The following DGKB variants were observed in gnomAD, a reference collection of about 807,000 sequenced individuals.
The protein encoded by DGKB is 90 kDa diacylglycerol kinase.
DGKB carries 67 observed loss-of-function variants against 114.3 expected under a neutral mutation model. The ratio of observed to expected loss-of-function variants is 0.59; its 90% CI spans 0.48 to 0.72. DGKB has a LOEUF of 0.72. DGKB is among the 30% of genes least tolerant of loss of function. The pLI is 0.00. For missense variants in DGKB, 907 were observed against 975.2 expected, an observed-to-expected ratio of 0.93 and a Z score of 0.93; for synonymous variants, 398 against 323.1, an observed-to-expected ratio of 1.23 and a Z score of -2.49.
At chr7:14,318,862 C>A (rs111787746) in intron 23 of DGKB, among the ~76,000 whole-genome samples, 2 of 152,166 alleles carry the variant, frequency 1.3e-5, no homozygotes, top group Admixed American at 1.3e-4. Context: ...GCATTATTCA[C>A]AATAGCAAAG....
At chr7:14,736,977 T>C (rs1231835722) in intron 4 of DGKB, among the ~76,000 whole-genome samples, 1 of 152,174 alleles carries the variant, frequency 6.6e-6, no homozygotes, top group African/African-American at 2.4e-5. Context: ...CACCAGGATT[T>C]GACTCTGCCT....
intron 7 of DGKB, among the ~76,000 whole-genome samples, chr7:14,698,991 G>T (rs888207486): frequency 6.6e-6 from 1 of 151,982 alleles, no homozygotes; most frequent in Non-Finnish European, 1.5e-5. Flanking sequence ...TAGTCAAAGA[G>T]TATTCTACTC....
chr7:14,350,095 G>T (rs759430113), intron 21 of DGKB, among the ~76,000 whole-genome samples: 3 of 152,050 alleles, frequency 2.0e-5, no homozygotes, highest in Non-Finnish European at 4.4e-5. Context: ...AAAGTGCTTG[G>T]CTACCAGATA....
intron 23 of DGKB, among the ~76,000 whole-genome samples, chr7:14,198,574 A>C (rs1042212819): frequency 6.6e-6 from 1 of 152,084 alleles, no homozygotes; most frequent in African/African-American, 2.4e-5. Flanking sequence ...TTGATCTTTC[A>C]TAATAGAAAA....
intron 21 of DGKB, among the ~76,000 whole-genome samples, chr7:14,369,510 T>G (rs568924108): frequency 6.6e-6 from 1 of 152,276 alleles, no homozygotes; most frequent in Non-Finnish European, 1.5e-5. Flanking sequence ...TCTTCCACAG[T>G]GGTTGAACTA....
At chr7:14,921,087 A>G (rs534224445) in intron 1 of DGKB, among the ~76,000 whole-genome samples, 96 of 152,210 alleles carry the variant, frequency 6.3e-4, no homozygotes, top group African/African-American at 2.2e-3. Context: ...TAGTTTTTCA[A>G]TCCTCACCTC....
chr7:14,501,266 T>C (rs1171031024), intron 20 of DGKB, among the ~76,000 whole-genome samples: 1 of 151,946 alleles, frequency 6.6e-6, no homozygotes, highest in African/African-American at 2.4e-5. Flanking sequence ...GAATGCTTTA[T>C]AGACGGATTC....
chr7:14,706,331 C>A (rs1282511079), intron 6 of DGKB, among the ~76,000 whole-genome samples: 5 of 140,956 alleles, frequency 3.5e-5, no homozygotes, highest in Non-Finnish European at 6.2e-5. Context: ...CCTGAGTGAC[C>A]TACAAAGAGA....
chr7:14,230,205 T>C (rs960266783), intron 23 of DGKB, among the ~76,000 whole-genome samples: 2 of 152,064 alleles, frequency 1.3e-5, no homozygotes, highest in African/African-American at 4.8e-5. Flanking sequence ...TGAAGTACTT[T>C]GTCTTCATTC....
intron 23 of DGKB, among the ~76,000 whole-genome samples, chr7:14,300,598 T>G (rs1243675598): frequency 6.6e-6 from 1 of 152,138 alleles, no homozygotes; most frequent in Non-Finnish European, 1.5e-5. Context: ...TGCAGTCAAA[T>G]TTAAATATTC....
chr7:14,705,044 C>A (rs1269570105), intron 6 of DGKB, among the ~76,000 whole-genome samples: 15 of 149,020 alleles, frequency 1.0e-4, no homozygotes, highest in Non-Finnish European at 1.8e-4. Flanking sequence ...ACATTCAAAC[C>A]AAAGGCAAAG....
chr7:14,969,111 G>A (rs962477998), intron 1 of DGKB, among the ~76,000 whole-genome samples: 3 of 152,176 alleles, frequency 2.0e-5, no homozygotes, highest in Non-Finnish European at 4.4e-5. Context: ...GGTGATATCA[G>A]AGAACAACCA....
At chr7:14,767,580 C>A (rs1562483516) in intron 2 of DGKB, among the ~76,000 whole-genome samples, 1 of 151,804 alleles carries the variant, frequency 6.6e-6, no homozygotes, top group Non-Finnish European at 1.5e-5. Flanking sequence ...TCTTAATTTT[C>A]TTTTACATTT....
intron 23 of DGKB, among the ~76,000 whole-genome samples, chr7:14,235,081 A>G (rs1455554774): frequency 1.3e-5 from 2 of 152,022 alleles, no homozygotes; most frequent in Admixed American, 1.3e-4. Context: ...TCTTTCAGGA[A>G]GCCTTTCTCA....
intron 9 of DGKB, among the ~76,000 whole-genome samples, chr7:14,687,154 C>G (rs751821842): frequency 1.3e-5 from 2 of 152,162 alleles, no homozygotes; most frequent in Non-Finnish European, 2.9e-5. Context: ...TGAACTCAAA[C>G]GTGAAGCTCC....
intron 23 of DGKB, among the ~76,000 whole-genome samples, chr7:14,324,940 C>T (rs1012221): frequency 0.85 from 129,724 of 152,228 alleles, 55,698 homozygotes; most frequent in African/African-American, 0.96. Flanking sequence ...ATTGAGTCTA[C>T]GTTAAAGTGC....
At chr7:14,870,782 G>A (rs1852341114) in intron 1 of DGKB, among the ~76,000 whole-genome samples, 1 of 151,884 alleles carries the variant, frequency 6.6e-6, no homozygotes, top group African/African-American at 2.4e-5. Context: ...GTGACAGACC[G>A]AGACTTTGTC....
intron 23 of DGKB, among the ~76,000 whole-genome samples, chr7:14,239,301 G>GT (rs56782824): frequency 0.61 from 92,665 of 151,668 alleles, 29,710 homozygotes; most frequent in African/African-American, 0.8. Context: ...ATTTCAAAAA[G>GT]TTTTTTTAAA....
intron 21 of DGKB, among the ~76,000 whole-genome samples, chr7:14,421,285 G>A (rs1456535610): frequency 2.6e-5 from 4 of 151,936 alleles, no homozygotes; most frequent in Non-Finnish European, 2.9e-5. Flanking sequence ...GCTTGTTCAT[G>A]CATGCTGTTC....
Sources: allele counts gnomAD v4.1 joint callset (sites outside exome capture counted in the v4.1 genomes callset), GRCh38; gene constraint gnomAD v4.1.1; transcripts MANE v1.5; gene names NCBI Gene and HGNC (gene_info 2026-07-23, HGNC 2026-07-21).